Variants in HS2ST1 observed in about 807,000 individuals in gnomAD.
HS2ST1 encodes heparan sulfate 2-O-sulfotransferase 1.
Under a neutral mutation model 42.9 loss-of-function variants are expected in HS2ST1, and 18 were observed. That is an observed-to-expected ratio of 0.42 (90% CI 0.29 to 0.62). The LOEUF is 0.62. HS2ST1 is among the 20% of genes least tolerant of loss of function. The pLI, the probability that HS2ST1 is intolerant of heterozygous loss-of-function variation, is 0.21. For synonymous variants in HS2ST1, 146 were observed against 152.9 expected, an observed-to-expected ratio of 0.95 and a Z score of 0.33; for missense variants, 334 against 433.8, an observed-to-expected ratio of 0.77 and a Z score of 2.04.
At chr1:86,976,720 A>ATATATATATATATATATATATATATATT (rs1411768398) in intron 1 of HS2ST1, among the ~76,000 whole-genome samples, 4 of 139,890 alleles carry the variant, frequency 2.9e-5, no homozygotes, top group African/African-American at 7.6e-5. Flanking sequence ...ATATATATAT[A>ATATATATATATATATATATATATATATT]TTTTAAATGC....
At chr1:87,099,838 G>A (rs570186912) in intron 5 of HS2ST1, among the ~76,000 whole-genome samples, 1 of 152,308 alleles carries the variant, frequency 6.6e-6, no homozygotes, top group East Asian at 1.9e-4. Context: ...CCAAAAGGGA[G>A]AAATTGGCCA....
intron 1 of HS2ST1, among the ~76,000 whole-genome samples, chr1:86,961,429 C>G (rs890643868): frequency 6.6e-6 from 1 of 151,556 alleles, no homozygotes; most frequent in Non-Finnish European, 1.5e-5. Flanking sequence ...AAATGATTAC[C>G]GGAAGGATAG....
intron 1 of HS2ST1, among the ~76,000 whole-genome samples, chr1:87,008,842 T>TTGTG (rs1208609514): frequency 2.1e-5 from 3 of 145,602 alleles, no homozygotes; most frequent in Non-Finnish European, 3.1e-5. Flanking sequence ...GTTGTGTTGT[T>TTGTG]TTGTTTTATT....
At chr1:87,060,685 G>A (rs1036218186) in intron 1 of HS2ST1, among the ~76,000 whole-genome samples, 21 of 152,232 alleles carry the variant, frequency 1.4e-4, no homozygotes, top group Admixed American at 1.0e-3. Flanking sequence ...GGTGATTAGT[G>A]TATTTCTCAG....
Position 87,053,316 on chromosome 1 carries a change from A to C in HS2ST1, c.125-19618A>C, listed in dbSNP as rs184763176. On this transcript the variant is annotated intron_variant, in intron 1 of 6. Transcript: ENST00000370550. ...TTCTTGGTATGATATTTCAACAATC[A>C]AAGCACATCTATTTTAATGGCAGTA... Among the ~76,000 whole-genome samples, 20 of 152,346 alleles carry C rather than the reference A, an allele frequency of 1.3e-4. No individual in the cohort carries two copies. In the East Asian group the frequency reaches 3.9e-3, roughly 29 times the overall value.
intron 1 of HS2ST1, among the ~76,000 whole-genome samples, chr1:87,017,621 C>T (rs1259053268): frequency 1.3e-5 from 2 of 152,120 alleles, no homozygotes. Context: ...CAAGAGTAAA[C>T]TTGTTAAAAA....
chr1:86,942,169 G>C (rs1660777190), intron 1 of HS2ST1, among the ~76,000 whole-genome samples: 1 of 152,196 alleles, frequency 6.6e-6, no homozygotes, highest in Non-Finnish European at 1.5e-5. Flanking sequence ...CTACTAATGT[G>C]TGTTGAAATG....
At chr1:87,069,840 G>GA (rs1391035809) in intron 1 of HS2ST1, among the ~76,000 whole-genome samples, 2 of 152,168 alleles carry the variant, frequency 1.3e-5, no homozygotes, top group Non-Finnish European at 2.9e-5. Context: ...AATGAACCAA[G>GA]AATAATAATT....
chr1:86,963,935 G>A lies in HS2ST1; in HGVS notation c.124+48775G>A, dbSNP rs563606886. Among the ~76,000 whole-genome samples the A allele has an allele frequency of 2.7e-3, 400 of 146,666 alleles. 3 individuals carry two copies. Among genetic ancestry groups the A allele is most frequent in the African/African-American group, 0.01 (379 of 37,450 alleles). ...CTCCCGGACGGGGCGGCTGCTGGGC[G>A]GAGACGCTCCTCACTTCCCAAATGG... On this transcript the variant is annotated intron_variant, in intron 1 of 6. Coordinates refer to ENST00000370550, the MANE Select transcript of HS2ST1 (RefSeq NM_012262.4).
intron 1 of HS2ST1, among the ~76,000 whole-genome samples, chr1:87,032,567 T>G (rs929453429): frequency 6.6e-6 from 1 of 152,196 alleles, no homozygotes; most frequent in Non-Finnish European, 1.5e-5. Flanking sequence ...TAGGAAATTA[T>G]TTGCTTTAAA....
At chr1:87,073,733 G>A (rs1280798439) in intron 2 of HS2ST1, among the ~76,000 whole-genome samples, 1 of 152,176 alleles carries the variant, frequency 6.6e-6, no homozygotes, top group Non-Finnish European at 1.5e-5. Context: ...AAGAAAAGTA[G>A]AGGAAATTAT....
At chr1:87,020,714 C>G (rs1649918418) in intron 1 of HS2ST1, among the ~76,000 whole-genome samples, 2 of 152,178 alleles carry the variant, frequency 1.3e-5, no homozygotes, top group African/African-American at 4.8e-5. Context: ...AGATCATCTT[C>G]TCACTGTGTC....
chr1:86,994,395 C>A (rs11161921), intron 1 of HS2ST1, among the ~76,000 whole-genome samples: 1 of 152,144 alleles, frequency 6.6e-6, no homozygotes, highest in African/African-American at 2.4e-5. Context: ...TTTCTCTTAA[C>A]TTCATTATGG....
At chr1:87,092,456 A>T (rs903299876) in intron 3 of HS2ST1, 75 bp from the exon 4 acceptor site, 107 of 996,450 alleles carry the variant, frequency 1.1e-4, no homozygotes, top group Non-Finnish European at 1.1e-4. Flanking sequence ...CTTCAGACTT[A>T]AACATGTAAT....
chr1:87,072,163 T>G (rs1287429028), intron 1 of HS2ST1, among the ~76,000 whole-genome samples: 1 of 152,096 alleles, frequency 6.6e-6, no homozygotes, highest in African/African-American at 2.4e-5. Context: ...ACCATGAAAT[T>G]TAAGTGAAAA....
chr1:87,069,456 ATACT>A (rs762368375), intron 1 of HS2ST1, among the ~76,000 whole-genome samples: 4 of 152,232 alleles, frequency 2.6e-5, no homozygotes, highest in African/African-American at 7.2e-5. Flanking sequence ...TAACTATCTA[ATACT>A]TACTTAGTAA....
intron 1 of HS2ST1, among the ~76,000 whole-genome samples, chr1:87,043,893 A>G (rs551707800): frequency 1.4e-4 from 22 of 152,212 alleles, no homozygotes; most frequent in African/African-American, 5.1e-4. Context: ...TCTTTGGATT[A>G]TAATAGTAAT....
At chr1:87,042,357 A>C (rs1323914303) in intron 1 of HS2ST1, among the ~76,000 whole-genome samples, 1 of 151,648 alleles carries the variant, frequency 6.6e-6, no homozygotes, top group African/African-American at 2.4e-5. Context: ...TCTTCTTTTG[A>C]CTGTGCTTTT....
At chr1:86,924,043 T>G (rs748291591) in intron 1 of HS2ST1, among the ~76,000 whole-genome samples, 20 of 152,158 alleles carry the variant, frequency 1.3e-4, no homozygotes, top group Non-Finnish European at 2.6e-4. Context: ...AAAAGCAAGT[T>G]AGTTACTTCC....
Sources: allele counts gnomAD v4.1 joint callset (sites outside exome capture counted in the v4.1 genomes callset), GRCh38; gene constraint gnomAD v4.1.1; transcripts MANE v1.5; gene names NCBI Gene and HGNC (gene_info 2026-07-23, HGNC 2026-07-21).